Variants in CTNND2 observed in about 807,000 individuals in gnomAD.
CTNND2 encodes catenin delta-2.
In CTNND2, 22 loss-of-function variants were observed where a neutral mutation model predicts 144.4. That is an observed-to-expected ratio of 0.15 (90% CI 0.11 to 0.22). The LOEUF is 0.22. Among genes scored for constraint, CTNND2 ranks in the 10% least tolerant of loss-of-function variants. The pLI is 1.00. For synonymous variants in CTNND2, 751 were observed against 695.6 expected (o/e 1.08, Z -1.25); for missense variants, 1,353 against 1,618.8 (o/e 0.84, Z 2.82).
intron 8 of CTNND2, among the ~76,000 whole-genome samples, chr5:11,350,045 G>C (rs997796089): frequency 3.9e-5 from 6 of 152,160 alleles, no homozygotes; most frequent in Admixed American, 2.0e-4. Context: ...GCTGAGACAG[G>C]AGAATTGCTT....
At chr5:11,442,178 T>C (rs1055888869) in intron 3 of CTNND2, among the ~76,000 whole-genome samples, 5 of 152,218 alleles carry the variant, frequency 3.3e-5, no homozygotes, top group Admixed American at 3.3e-4. Context: ...TCCACTATTA[T>C]CTGTTAACAT....
intron 3 of CTNND2, among the ~76,000 whole-genome samples, chr5:11,488,652 T>C (rs1358255179): frequency 6.6e-6 from 1 of 152,174 alleles, no homozygotes; most frequent in Non-Finnish European, 1.5e-5. Context: ...AGTAGCATAA[T>C]CAAAAGAGAG....
At chr5:11,068,719 T>C (rs1747889171) in intron 16 of CTNND2, among the ~76,000 whole-genome samples, 2 of 152,074 alleles carry the variant, frequency 1.3e-5, no homozygotes, top group African/African-American at 2.4e-5. Flanking sequence ...ATCGAGACCA[T>C]CCTGGCTAAC....
rs917785774 is a variant in CTNND2, at chr5:11,295,141, A to G, written c.1628+51231T>C. Among the ~76,000 whole-genome samples the G allele has an allele frequency of 2.6e-5, 4 of 152,354 alleles. No homozygotes were observed. The East Asian group carries it at 7.7e-4, about 29-fold the overall frequency. On this transcript the variant is annotated intron_variant, in intron 9 of 21. Coordinates refer to ENST00000304623, the MANE Select transcript of CTNND2 (RefSeq NM_001332.4). ...TAGGCAACTTCAGCAAAGTCTCAGGATACAAAATCAATGTGCAAAAATCAC... is the reference window on the plus strand; with the variant it reads ...TAGGCAACTTCAGCAAAGTCTCAGGGTACAAAATCAATGTGCAAAAATCAC...
chr5:11,605,290 C>T (rs568470386), intron 2 of CTNND2, among the ~76,000 whole-genome samples: 3 of 152,298 alleles, frequency 2.0e-5, no homozygotes, highest in Non-Finnish European at 2.9e-5. Flanking sequence ...ACAATGACCA[C>T]GTTTATGTCA....
rs534452489 is a variant in CTNND2, at chr5:11,685,832, A to C, written c.174+46304T>G. Among the ~76,000 whole-genome samples, 12 of 152,330 alleles carry C rather than the reference A, an allele frequency of 7.9e-5. No homozygotes were observed. The South Asian group carries it at 2.5e-3, about 32-fold the overall frequency. ...CTAGAGGTGAGGAAATGAAGACCAG[A>C]AGTTGTTTATCCTTAATCTTTACAT... On this transcript the variant is annotated intron_variant, in intron 2 of 21. Coordinates refer to ENST00000304623, the MANE Select transcript of CTNND2 (RefSeq NM_001332.4).
chr5:11,115,775 G>A (rs1422752166), intron 13 of CTNND2, among the ~76,000 whole-genome samples: 1 of 152,196 alleles, frequency 6.6e-6, no homozygotes, highest in Non-Finnish European at 1.5e-5. Flanking sequence ...GGGTGAACTA[G>A]TACTCAAAGG....
chr5:10,977,871 CT>C (rs1316371952), intron 21 of CTNND2, among the ~76,000 whole-genome samples: 1 of 152,222 alleles, frequency 6.6e-6, no homozygotes, highest in South Asian at 2.1e-4. Flanking sequence ...TCAGAGTTCA[CT>C]GAAAATGTGC....
chr5:11,871,918 TA>T (rs1206296519), intron 1 of CTNND2, among the ~76,000 whole-genome samples: 3 of 152,172 alleles, frequency 2.0e-5, no homozygotes, highest in Non-Finnish European at 4.4e-5. Flanking sequence ...CATTCTTTTT[TA>T]TTATTATCAC....
intron 1 of CTNND2, among the ~76,000 whole-genome samples, chr5:11,808,077 A>C (rs1792107920): frequency 6.6e-6 from 1 of 152,132 alleles, no homozygotes; most frequent in South Asian, 2.1e-4. Context: ...TGAAGCCTCA[A>C]AATAAGTCCT....
intron 8 of CTNND2, among the ~76,000 whole-genome samples, chr5:11,358,635 T>C (rs920714468): frequency 6.6e-6 from 1 of 152,224 alleles, no homozygotes; most frequent in African/African-American, 2.4e-5. Context: ...TGGACTATTA[T>C]TTATATCACA....
At chr5:11,144,312 T>G (rs893593048) in intron 12 of CTNND2, among the ~76,000 whole-genome samples, 2 of 152,200 alleles carry the variant, frequency 1.3e-5, no homozygotes, top group Non-Finnish European at 2.9e-5. Context: ...ATTGGGCCCC[T>G]CAGTCCTAAA....
At chr5:11,488,361 G>T (rs1377879068) in intron 3 of CTNND2, among the ~76,000 whole-genome samples, 2 of 152,016 alleles carry the variant, frequency 1.3e-5, no homozygotes, top group African/African-American at 4.8e-5. Context: ...GTCATATCTC[G>T]CTACTTCTCT....
At chr5:11,902,031 A>G (rs1737937846) in intron 1 of CTNND2, among the ~76,000 whole-genome samples, 1 of 152,244 alleles carries the variant, frequency 6.6e-6, no homozygotes, top group Non-Finnish European at 1.5e-5. Context: ...AATATTGCTA[A>G]AGACTAATCA....
At chr5:11,637,070 C>T (rs202125552) in intron 2 of CTNND2, among the ~76,000 whole-genome samples, 1 of 151,888 alleles carries the variant, frequency 6.6e-6, no homozygotes, top group Non-Finnish European at 1.5e-5. Flanking sequence ...AATTTCTTTA[C>T]AAGAAAAAAG....
At chr5:11,843,564 C>T (rs1441087164) in intron 1 of CTNND2, among the ~76,000 whole-genome samples, 2 of 152,208 alleles carry the variant, frequency 1.3e-5, no homozygotes, top group Non-Finnish European at 2.9e-5. Context: ...CTGATCTCAA[C>T]AAAGTAGCAA....
chr5:11,192,879 C>T, intron 11 of CTNND2, among the ~76,000 whole-genome samples: 1 of 152,220 alleles, frequency 6.6e-6, no homozygotes, highest in Non-Finnish European at 1.5e-5. Flanking sequence ...ACAAACTCCA[C>T]TGACACCCTA....
intron 2 of CTNND2, among the ~76,000 whole-genome samples, chr5:11,602,551 C>A (rs190138870): frequency 2.6e-5 from 4 of 151,556 alleles, no homozygotes; most frequent in Admixed American, 2.0e-4. Flanking sequence ...CACTGAACCA[C>A]TGGGGGCACT....
At chr5:11,350,227 C>T (rs1181366988) in intron 8 of CTNND2, among the ~76,000 whole-genome samples, 1 of 152,104 alleles carries the variant, frequency 6.6e-6, no homozygotes, top group Non-Finnish European at 1.5e-5. Flanking sequence ...GAACATTATA[C>T]TGAAAAACAT....
Sources: allele counts gnomAD v4.1 joint callset (sites outside exome capture counted in the v4.1 genomes callset), GRCh38; gene constraint gnomAD v4.1.1; transcripts MANE v1.5; gene names NCBI Gene and HGNC (gene_info 2026-07-23, HGNC 2026-07-21).